MRGPRE: variants seen among roughly 807,000 people sequenced by gnomAD.
The protein encoded by MRGPRE is MAS related GPR family member E.
For missense variants in MRGPRE, 466 were observed against 433.4 expected (o/e 1.08, Z -0.67); for synonymous variants, 229 against 206.7 (o/e 1.11, Z -0.92).
rs573126710 is a variant in MRGPRE, at chr11:3,225,082, A to G, written c.*2779T>C. ...TATTTTTCCAGCGTGTGAGCTAATG[A>G]ACTAGCTGAGGAGTGAGCCTGCCTC... is the stretch of plus-strand genomic sequence containing the variant. On this transcript the variant is annotated 3_prime_UTR_variant, in exon 2 of 2. Transcript: ENST00000389832. Among the ~76,000 whole-genome samples the G allele has an allele frequency of 6.6e-6, 1 of 152,238 alleles. No individual in the cohort carries two copies. The highest frequency in any genetic ancestry group is 1.5e-5 in the Non-Finnish European group (1 of 68,038).
Position 3,228,030 on chromosome 11 carries a change from A to G in MRGPRE, c.770T>C (p.Met257Thr). The change falls in exon 2 of 2, where the codon ATG becomes ACG. Residue 257 changes from methionine (M) to threonine (T), a missense_variant. Transcript: ENST00000389832. ...PHYFYHFSFL[M>T]AAVHCAAKPV... ...CTTGGCCGCGCAGTGCACGGCGGCC[A>G]TGAGGAAGCTGAAGTGGTAGAAGTA... 1 of 1,609,006 alleles carries G rather than the reference A, an allele frequency of 6.2e-7. No individual in the cohort carries two copies. The highest frequency in any genetic ancestry group is 8.5e-7 in the Non-Finnish European group (1 of 1,178,030).
chr11:3,225,393 C>T lies in MRGPRE; in HGVS notation c.*2468G>A, dbSNP rs540045639. Among the ~76,000 whole-genome samples the T allele has an allele frequency of 1.3e-5, 2 of 152,212 alleles. No homozygotes were observed. The highest frequency in any genetic ancestry group is 2.9e-5 in the Non-Finnish European group (2 of 68,036). ...TGGATGGGGTGGGCTGGGCACTGACCGAGGAGCTTTGCCTGCGACCCAGGT... is the reference window on the plus strand; with the variant it reads ...TGGATGGGGTGGGCTGGGCACTGACTGAGGAGCTTTGCCTGCGACCCAGGT... On this transcript the variant is annotated 3_prime_UTR_variant, in exon 2 of 2. Transcript: ENST00000389832.
At position 3,228,407 on chromosome 11, in the gene MRGPRE, G is replaced by C. The variant is rs377320081; in HGVS notation, c.393C>G (p.Tyr131Ter). Reference protein sequence around the residue: ...QCLAALFPAWYSCRRPRHLTT... With the variant: ...QCLAALFPAW ...TCAGGTGGCGTGGGCGGCGGCACGA[G>C]TACCAGGCTGGGAAGAGGGCGGCCA... Residue 131 changes from tyrosine to a stop codon, truncating the protein, a stop_gained, in exon 2 of 2, where the codon TAC (tyrosine) becomes TAG (stop). Transcript: ENST00000389832. LOFTEE classifies it low-confidence loss of function (END_TRUNC). 1 of 1,605,936 alleles carries C rather than the reference G, an allele frequency of 6.2e-7. No homozygotes were observed. The highest frequency in any genetic ancestry group is 8.5e-7 in the Non-Finnish European group (1 of 1,177,542).
chr11:3,228,395 G>T lies in MRGPRE; in HGVS notation c.405C>A (p.Arg135=). ...ACACACAGGTGGTCAGGTGGCGTGG[G>T]CGGCGGCACGAGTACCAGGCTGGGA... ...ALFPAWYSCR[R]PRHLTTCVCA... Residue 135 remains arginine, a synonymous_variant, in exon 2 of 2, where the codon CGC becomes CGA. Transcript: ENST00000389832. 1 of 1,599,944 alleles carries T rather than the reference G, an allele frequency of 6.3e-7. No homozygotes were observed.
At position 3,231,924 on chromosome 11, in the gene MRGPRE, G is replaced by A. The variant is rs527616027; in HGVS notation, c.-62+217C>T. Reference sequence around the variant, plus strand: ...TTGGGGAGCCATCACCCAAGCTATCGTCCTCTTCCAGACTCAGCCCAGGGC... The same window carrying A: ...TTGGGGAGCCATCACCCAAGCTATCATCCTCTTCCAGACTCAGCCCAGGGC... On this transcript the variant is annotated intron_variant, in intron 1 of 1. Transcript: ENST00000389832. The surrounding 1 kb of genome is among the most constrained non-coding windows in gnomAD (Gnocchi z 4.7). Among the ~76,000 whole-genome samples the A allele has an allele frequency of 7.9e-5, 12 of 152,230 alleles. No homozygotes were observed. Among genetic ancestry groups the A allele is most frequent in the East Asian group, 5.8e-4 (3 of 5,186 alleles).
chr11:3,227,334 G>A lies in MRGPRE; in HGVS notation c.*527C>T, dbSNP rs1487291819. Among the ~76,000 whole-genome samples, 1 of 152,132 alleles carries A rather than the reference G, an allele frequency of 6.6e-6. No individual in the cohort carries two copies. Among genetic ancestry groups the A allele is most frequent in the Non-Finnish European group, 1.5e-5 (1 of 68,018 alleles). On this transcript the variant is annotated 3_prime_UTR_variant, in exon 2 of 2. Transcript: ENST00000389832. ...AAGGACGGGGAGGGGGTCAAGTTTTGGGCAGTCTTCCATTTTAGGGTCAAT... is the reference window on the plus strand; with the variant it reads ...AAGGACGGGGAGGGGGTCAAGTTTTAGGCAGTCTTCCATTTTAGGGTCAAT...
At position 3,228,396 on chromosome 11, in the gene MRGPRE, C is replaced by A. The variant is rs759076113; in HGVS notation, c.404G>T (p.Arg135Leu). Residue 135 changes from arginine to leucine, a missense_variant, in exon 2 of 2, where the codon CGC becomes CTC. Physicochemically the swap from Arg to Leu is moderately radical, Grantham distance 102 (BLOSUM62 -2). Transcript: ENST00000389832. ...ALFPAWYSCR[R>L]PRHLTTCVCA... Reference sequence around the variant, plus strand: ...CACACAGGTGGTCAGGTGGCGTGGGCGGCGGCACGAGTACCAGGCTGGGAA... The same window carrying A: ...CACACAGGTGGTCAGGTGGCGTGGGAGGCGGCACGAGTACCAGGCTGGGAA... 6.3e-7 allele frequency: 1 copy of A among 1,599,200 alleles called. No individual in the cohort carries two copies.
At position 3,226,586 on chromosome 11, in the gene MRGPRE, G is replaced by A. The variant is rs1847763816; in HGVS notation, c.*1275C>T. Among the ~76,000 whole-genome samples the A allele has an allele frequency of 6.6e-6, 1 of 152,202 alleles. No homozygotes were observed. Among genetic ancestry groups the A allele is most frequent in the African/African-American group, 2.4e-5 (1 of 41,438 alleles). On this transcript the variant is annotated 3_prime_UTR_variant, in exon 2 of 2. Transcript: ENST00000389832. The stretch of plus-strand genomic sequence containing the variant: ...ATTCCAGGGTGCTGACCAGGGATCT[G>A]CGACTCACACCCAGACTCAAGAGGG...
In MRGPRE at chr11:3,227,147, C is replaced by A. The variant is rs775195377; in HGVS notation, c.*714G>T. On this transcript the variant is annotated 3_prime_UTR_variant, in exon 2 of 2. Coordinates refer to ENST00000389832, the MANE Select transcript of MRGPRE (RefSeq NM_001039165.4). ...ACCTGGGTCCTGTGGGGAGACAGGG[C>A]TGCAGGCTGCTGGGTGGGGCTGTAA... Among the ~76,000 whole-genome samples the A allele has an allele frequency of 5.3e-5, 8 of 152,134 alleles. No homozygotes were observed. Among genetic ancestry groups the A allele is most frequent in the Non-Finnish European group, 1.0e-4 (7 of 68,002 alleles).
Position 3,225,529 on chromosome 11 carries a change from C to T in MRGPRE, c.*2332G>A, listed in dbSNP as rs557247837. Among the ~76,000 whole-genome samples, 3 of 152,152 alleles carry T rather than the reference C, an allele frequency of 2.0e-5. No homozygotes were observed. The highest frequency in any genetic ancestry group is 4.2e-4 in the South Asian group (2 of 4,816). On this transcript the variant is annotated 3_prime_UTR_variant, in exon 2 of 2. Transcript: ENST00000389832. The stretch of plus-strand genomic sequence containing the variant: ...TCTGGGGGCAGAAGAGGAGGTGCAG[C>T]GGGGGAGGTCAGAGGAGGCGCAGGC...
In MRGPRE at chr11:3,228,298, C is replaced by T. The variant is rs768501750; in HGVS notation, c.502G>A (p.Glu168Lys). Residue 168 changes from glutamate (E) to lysine (K), a missense_variant, in exon 2 of 2, where the codon GAG becomes AAG. Physicochemically the swap from Glu to Lys is moderately conservative, Grantham distance 56. Transcript: ENST00000389832. The part of the protein sequence containing the change: ...LSGACTQFFG[E>K]PSRHLCRTLW... The stretch of plus-strand genomic sequence containing the variant: ...GTCCGGCACAAGTGGCGGCTGGGCT[C>T]CCCGAAGAACTGGGTGCAGGCGCCG... 2.3e-5 allele frequency: 35 copies of T among 1,554,084 alleles called. No individual in the cohort carries two copies. Among genetic ancestry groups the T allele is most frequent in the Non-Finnish European group, 3.0e-5 (35 of 1,151,868 alleles).
At position 3,228,844 on chromosome 11, in the gene MRGPRE, T is replaced by G. The variant is rs1463188368; in HGVS notation, c.-45A>C. 1 of 1,485,006 alleles carries G rather than the reference T, an allele frequency of 6.7e-7. No homozygotes were observed. The highest frequency in any genetic ancestry group is 2.0e-5 in the Admixed American group (1 of 49,926). The allele number at this position is 1,485,006 out of a possible 1,614,324, so 92.0% of individuals were successfully genotyped here. ...TGCTGCAGGAGTGTGTTCTGCTCGC[T>G]CTCTCTCCTGATGCCCCTGTAAACC... On this transcript the variant is annotated 5_prime_UTR_variant, in exon 2 of 2. Coordinates refer to ENST00000389832, the MANE Select transcript of MRGPRE (RefSeq NM_001039165.4).
In MRGPRE at chr11:3,230,446, G is replaced by C. The variant is rs1177714680; in HGVS notation, c.-61-1586C>G. Among the ~76,000 whole-genome samples the C allele has an allele frequency of 6.6e-6, 1 of 152,222 alleles. No homozygotes were observed. The highest frequency in any genetic ancestry group is 1.5e-5 in the Non-Finnish European group (1 of 68,026). ...CAGTGATAGGAGCACCCGAGACCAT[G>C]CAGGGGGACGCTGCGGTGCTGGGAT... On this transcript the variant is annotated intron_variant, in intron 1 of 1. Coordinates refer to ENST00000389832, the MANE Select transcript of MRGPRE (RefSeq NM_001039165.4). This position sits in a 1 kb window ranked among gnomAD's most constrained non-coding sequence, Gnocchi z 5.5.
In MRGPRE at chr11:3,228,020, C is replaced by A; in HGVS notation, c.780G>T (p.Val260=). The A allele has an allele frequency of 6.2e-7, 1 of 1,607,654 alleles. No individual in the cohort carries two copies. Among genetic ancestry groups the A allele is most frequent in the Middle Eastern group, 1.7e-4 (1 of 6,060 alleles). The change falls in exon 2 of 2, where the codon GTG becomes GTT. Residue 260 remains valine (V), a synonymous_variant. Transcript: ENST00000389832. ...AGACGACGGGCTTGGCCGCGCAGTG[C>A]ACGGCGGCCATGAGGAAGCTGAAGT... ...FYHFSFLMAA[V]HCAAKPVVYF...
rs1847801691 is a variant in MRGPRE at position 3,229,191 on chromosome 11, T to G, written c.-61-331A>C. Among the ~76,000 whole-genome samples the G allele has an allele frequency of 6.9e-6, 1 of 145,270 alleles. No individual in the cohort carries two copies. Among genetic ancestry groups the G allele is most frequent in the Non-Finnish European group, 1.5e-5 (1 of 66,774 alleles). On this transcript the variant is annotated intron_variant, in intron 1 of 1. Coordinates refer to ENST00000389832, the MANE Select transcript of MRGPRE (RefSeq NM_001039165.4). This position sits in a 1 kb window ranked among gnomAD's most constrained non-coding sequence, Gnocchi z 4.4. ...CCATGGGGCTCCCTGTTGCTAGTGG[T>G]GCCTTGATCCTCAGAATGGGCTTTT... is the stretch of plus-strand genomic sequence containing the variant.
At position 3,229,119 on chromosome 11, in the gene MRGPRE, G is replaced by A. The variant is rs1031766184; in HGVS notation, c.-61-259C>T. On this transcript the variant is annotated intron_variant, in intron 1 of 1. Coordinates refer to ENST00000389832, the MANE Select transcript of MRGPRE (RefSeq NM_001039165.4). This position sits in a 1 kb window ranked among gnomAD's most constrained non-coding sequence, Gnocchi z 4.4. ...CCTTCCGTGGGGCTGGTCCCTGTAG[G>A]CCAGGTGGGGGCAGGGACCAGGAGA... Among the ~76,000 whole-genome samples, 18 of 151,960 alleles carry A rather than the reference G, an allele frequency of 1.2e-4. No individual in the cohort carries two copies. The highest frequency in any genetic ancestry group is 8.5e-4 in the Admixed American group (13 of 15,264).
rs760513724 is a variant in MRGPRE, at chr11:3,228,607, C to T, written c.193G>A (p.Val65Met). Residue 65 changes from valine to methionine, a missense_variant, in exon 2 of 2, where the codon GTG becomes ATG. By Grantham distance (21) the Val-to-Met change is conservative. Transcript: ENST00000389832. ...RNPFAIYLLD[V>M]ACADLIFLGC... ...AGGAAGATGAGATCCGCGCAGGCCA[C>T]GTCCAGGAGGTAGATGGCGAAGGGG... 44 of 1,613,926 alleles carry T rather than the reference C, an allele frequency of 2.7e-5. No individual in the cohort carries two copies. The highest frequency in any genetic ancestry group is 5.0e-5 in the Admixed American group (3 of 60,008).
rs1198639650 is a variant in MRGPRE, at chr11:3,231,645, G to A, written c.-62+496C>T. Among the ~76,000 whole-genome samples the A allele has an allele frequency of 2.0e-5, 3 of 151,174 alleles. No individual in the cohort carries two copies. The highest frequency in any genetic ancestry group is 7.3e-5 in the African/African-American group (3 of 41,088). ...GGAGGAGAAGGAGGGGAGGAGGCGG[G>A]GAAGGACGATGGAACAGAAGAGGAG... On this transcript the variant is annotated intron_variant, in intron 1 of 1. Coordinates refer to ENST00000389832, the MANE Select transcript of MRGPRE (RefSeq NM_001039165.4). The surrounding 1 kb of genome is among the most constrained non-coding windows in gnomAD (Gnocchi z 4.7).
In MRGPRE at chr11:3,232,201, C is replaced by T. The variant is rs1040287328; in HGVS notation, c.-122G>A. 6.6e-6 allele frequency: 1 copy of T among 152,360 alleles called. No individual in the cohort carries two copies. The highest frequency in any genetic ancestry group is 1.5e-5 in the Non-Finnish European group (1 of 68,180). 9.4% of individuals were successfully genotyped at this position (152,360 alleles called of 1,614,324 possible). ...TCTGACCCTGGGCCTTGGATCTATC[C>T]TGGCCGCGGCCGAGGGCTCCAGTCC... On this transcript the variant is annotated 5_prime_UTR_variant, in exon 1 of 2. Transcript: ENST00000389832.
Sources: allele counts gnomAD v4.1 joint callset (sites outside exome capture counted in the v4.1 genomes callset), GRCh38; gene constraint gnomAD v4.1.1; non-coding constraint Gnocchi (gnomAD v3.1); transcripts MANE v1.5; gene names NCBI Gene and HGNC (gene_info 2026-07-23, HGNC 2026-07-21).